ZNF57: variants seen among roughly 807,000 people sequenced by gnomAD.
ZNF57 encodes zinc finger protein 424.
ZNF57 carries 11 observed loss-of-function variants against 13.4 expected under a neutral mutation model. The ratio of observed to expected loss-of-function variants is 0.82; its 90% CI spans 0.52 to 1.36. The LOEUF (loss-of-function observed/expected upper bound fraction) is 1.36, where lower values mean the gene tolerates loss of function less well. Ranked by LOEUF, ZNF57 falls within the 40% of genes most tolerant of loss-of-function variation. The pLI is 0.00. For missense variants in ZNF57, 696 were observed against 667.5 expected (o/e 1.04, Z -0.47); for synonymous variants, 224 against 238.5 (o/e 0.94, Z 0.56).
At chr19:2,911,145 C>G (rs2088131111) in intron 1 of ZNF57, among the ~76,000 whole-genome samples, 2 of 152,070 alleles carry the variant, frequency 1.3e-5, no homozygotes, top group South Asian at 2.1e-4. Flanking sequence ...TCACTGCAGC[C>G]TTAATCTCCT....
chr19:2,905,407 G>GCCCCCAC lies in ZNF57; in HGVS notation c.3+4364_3+4365insACCCCCC, dbSNP rs2088064560. On this transcript the variant is annotated intron_variant, in intron 1 of 3. Coordinates refer to ENST00000306908, the MANE Select transcript of ZNF57 (RefSeq NM_173480.3). ...CTCGAACTCTTGACTTCAGGTGATC[G>GCCCCCAC]CCCCCCCCCCCTCGGCATTCCAAAG... Among the ~76,000 whole-genome samples, 3 of 34,818 alleles carry GCCCCCAC rather than the reference G, an allele frequency of 8.6e-5. 1 individual carries two copies. The allele number at this position is 34,818 out of a possible 152,430, so 22.8% of individuals were successfully genotyped here. A position where few individuals can be genotyped will look rare whatever the true frequency, so the allele number is the denominator to read the frequency against.
At chr19:2,909,281 G>GTTTATT (rs1555677925) in intron 1 of ZNF57, among the ~76,000 whole-genome samples, 1 of 107,166 alleles carries the variant, frequency 9.3e-6, no homozygotes, top group Non-Finnish European at 1.8e-5. Flanking sequence ...ATTTATTTTT[G>GTTTATT]TTTTTTTTTT....
At chr19:2,906,469 T>G (rs2088076146) in intron 1 of ZNF57, among the ~76,000 whole-genome samples, 1 of 152,224 alleles carries the variant, frequency 6.6e-6, no homozygotes, top group Admixed American at 6.6e-5. Context: ...CCAGTGGGGC[T>G]CAGATCAAGT....
At chr19:2,909,350 G>T (rs11670748) in intron 1 of ZNF57, among the ~76,000 whole-genome samples, 10,302 of 50,346 alleles carry the variant, frequency 0.2, 1,576 homozygotes, top group Middle Eastern at 0.29. Flanking sequence ...GCGCGATCTC[G>T]GCTCACTGCA....
At position 2,918,234 on chromosome 19, in the gene ZNF57, C is replaced by G; in HGVS notation, c.1613C>G (p.Ser538Ter). Residue 538 changes from serine to a stop codon, truncating the protein, a stop_gained, in exon 4 of 4, where the codon TCA becomes TGA. Coordinates refer to ENST00000306908, the MANE Select transcript of ZNF57 (RefSeq NM_173480.3). LOFTEE classifies it low-confidence loss of function (END_TRUNC). ...AAATCCCACGAATGTCAGTCATACT[C>G]AAAAGCCTTCAGTTGCCAAGTCATT... Reference protein sequence around the residue: ...GQKSHECQSYSKAFSCQVILS... With the variant: ...GQKSHECQSY 1 of 1,613,254 alleles carries G rather than the reference C, an allele frequency of 6.2e-7. No individual in the cohort carries two copies. The highest frequency in any genetic ancestry group is 1.1e-5 in the South Asian group (1 of 90,914).
chr19:2,902,202 G>A (rs763936351), intron 1 of ZNF57, among the ~76,000 whole-genome samples: 1 of 150,236 alleles, frequency 6.7e-6, no homozygotes, highest in Non-Finnish European at 1.5e-5. Flanking sequence ...CTGGGGGTCA[G>A]AGGCAGTTTG....
intron 1 of ZNF57, among the ~76,000 whole-genome samples, chr19:2,906,611 C>T (rs2088077393): frequency 6.6e-6 from 1 of 152,220 alleles, no homozygotes; most frequent in South Asian, 2.1e-4. Context: ...AGAAACAGTC[C>T]AAAGCCACAC....
chr19:2,904,966 G>A (rs1409190467), intron 1 of ZNF57, among the ~76,000 whole-genome samples: 2 of 152,116 alleles, frequency 1.3e-5, no homozygotes, highest in African/African-American at 2.4e-5. Flanking sequence ...GCATTATGCC[G>A]ACGATTGAAC....
intron 1 of ZNF57, among the ~76,000 whole-genome samples, chr19:2,908,524 G>A (rs12609906): frequency 0.5 from 71,496 of 144,258 alleles, 17,776 homozygotes; most frequent in East Asian, 0.65. Context: ...GCAGTAGCGC[G>A]CACTCGAAGC....
rs1186002086 is a variant in ZNF57, at chr19:2,909,854, G to A, written c.4-5668G>A. On this transcript the variant is annotated intron_variant, in intron 1 of 3. Transcript: ENST00000306908. ...ATTTGTACATGCTTTACTCTACATC[G>A]CACTCTCCTGATGACTACAGCTCTC... 4.2e-5 allele frequency among the ~76,000 whole-genome samples: 2 copies of A among 47,602 alleles called. 1 individual carries two copies. The highest frequency in any genetic ancestry group is 9.6e-5 in the African/African-American group (2 of 20,834). The allele number at this position is 47,602 out of a possible 152,430, so 31.2% of individuals were successfully genotyped here. A position where few individuals can be genotyped will look rare whatever the true frequency, so the allele number is the denominator to read the frequency against.
At chr19:2,910,981 C>T (rs766873086) in intron 1 of ZNF57, among the ~76,000 whole-genome samples, 1 of 151,800 alleles carries the variant, frequency 6.6e-6, no homozygotes, top group Non-Finnish European at 1.5e-5. Flanking sequence ...GTTTTGATTG[C>T]ATGTTTTGTG....
Position 2,916,585 on chromosome 19 carries a change from A to G in ZNF57, c.302+336A>G, listed in dbSNP as rs144922602. The G allele has an allele frequency of 7.9e-3, 1,911 of 240,400 alleles. 39 individuals carry two copies. Among genetic ancestry groups the G allele is most frequent in the African/African-American group, 0.039 (1,717 of 43,610 alleles). The allele number at this position is 240,400 out of a possible 1,614,324, so 14.9% of individuals were successfully genotyped here. Reference sequence around the variant, plus strand: ...AAAAAAAATAGCCGAGCGTGGTGGCAGGCACCTGTAGTCCCAGCTACCTGT... The same window carrying G: ...AAAAAAAATAGCCGAGCGTGGTGGCGGGCACCTGTAGTCCCAGCTACCTGT... On this transcript the variant is annotated intron_variant, in intron 3 of 3. Transcript: ENST00000306908.
intron 3 of ZNF57, 40 bp downstream of exon 3, chr19:2,916,289 T>TA (rs2088194582): frequency 6.6e-7 from 1 of 1,525,442 alleles, no homozygotes; most frequent in African/African-American, 1.4e-5. Flanking sequence ...TGTATGCAAT[T>TA]AAATATATAT....
chr19:2,916,784 T>A, intron 3 of ZNF57, 140 bp from the exon 4 acceptor site: 2 of 640,168 alleles, frequency 3.1e-6, no homozygotes, highest in South Asian at 2.8e-5. Flanking sequence ...TTAAAAAATA[T>A]GTCTCTTCAA....
chr19:2,901,099 C>A, intron 1 of ZNF57, 51 bp downstream of exon 1: 2 of 1,473,284 alleles, frequency 1.4e-6, no homozygotes. Context: ...CGACGGGAAC[C>A]GGCTGGAACC....
Position 2,900,989 on chromosome 19 carries a change from G to T in ZNF57, c.-57G>T. The T allele has an allele frequency of 6.5e-7, 1 of 1,550,084 alleles. No individual in the cohort carries two copies. The highest frequency in any genetic ancestry group is 8.7e-7 in the Non-Finnish European group (1 of 1,146,188). ...CCGGGAGTACCTGTACCTTTCAGCTGCGCCGGCCGCGAGGCCACGGAGAGC... is the reference window on the plus strand; with the variant it reads ...CCGGGAGTACCTGTACCTTTCAGCTTCGCCGGCCGCGAGGCCACGGAGAGC... On this transcript the variant is annotated 5_prime_UTR_variant, in exon 1 of 4. Transcript: ENST00000306908.
In ZNF57 at chr19:2,917,797, T is replaced by C; in HGVS notation, c.1176T>C (p.Tyr392=). 1 of 1,605,978 alleles carries C rather than the reference T, an allele frequency of 6.2e-7. No individual in the cohort carries two copies. The highest frequency in any genetic ancestry group is 8.5e-7 in the Non-Finnish European group (1 of 1,176,220). ...HVRIHTQEQL[Y]KCEQCGKAFT... is the part of the protein sequence containing the mutation. ...GAATTCACACGCAAGAGCAGCTCTA[T>C]AAATGTGAACAATGTGGGAAGGCTT... Residue 392 remains tyrosine (Y), a synonymous_variant, in exon 4 of 4, where the codon TAT becomes TAC. Coordinates refer to ENST00000306908, the MANE Select transcript of ZNF57 (RefSeq NM_173480.3).
intron 1 of ZNF57, among the ~76,000 whole-genome samples, chr19:2,906,238 G>C (rs1048423120): frequency 1.3e-5 from 2 of 152,148 alleles, no homozygotes; most frequent in African/African-American, 2.4e-5. Context: ...AATTTTTATA[G>C]AGCTGGGGTC....
chr19:2,916,904 A>G lies in ZNF57; in HGVS notation c.303-20A>G. 1 of 1,544,448 alleles carries G rather than the reference A, an allele frequency of 6.5e-7. No individual in the cohort carries two copies. The highest frequency in any genetic ancestry group is 1.3e-5 in the South Asian group (1 of 79,488). ...ATTACTAAACATACCATACATAAAA[A>G]TGTCTCTCATTTTTAACAGAAATCA... On this transcript the variant is annotated intron_variant, in intron 3 of 3. Coordinates refer to ENST00000306908, the MANE Select transcript of ZNF57 (RefSeq NM_173480.3).
Sources: gnomAD v4.1 joint callset for allele counts (sites outside exome capture counted in the v4.1 genomes callset) on GRCh38, gnomAD v4.1.1 for gene constraint, MANE v1.5 for transcripts, NCBI Gene and HGNC (gene_info 2026-07-23, HGNC 2026-07-21) for gene names.